Variants in DOCK9 observed in about 807,000 individuals in gnomAD.
DOCK9 encodes the protein dedicator of cytokinesis 9.
Under a neutral mutation model 263.3 loss-of-function variants are expected in DOCK9, and 89 were observed. That is an observed-to-expected ratio of 0.34 (90% CI 0.28 to 0.40). The LOEUF (loss-of-function observed/expected upper bound fraction) is 0.40, where lower values mean the gene tolerates loss of function less well. DOCK9 is among the 10% of genes least tolerant of loss of function. The pLI, the probability that DOCK9 is intolerant of heterozygous loss-of-function variation, is 1.00. For synonymous variants in DOCK9, 976 were observed against 973.1 expected, an observed-to-expected ratio of 1.00 and a Z score of -0.06; for missense variants, 2,140 against 2,603.4, an observed-to-expected ratio of 0.82 and a Z score of 3.87.
intron 1 of DOCK9, among the ~76,000 whole-genome samples, chr13:99,005,124 C>T (rs1883098720): frequency 6.6e-6 from 1 of 151,684 alleles, no homozygotes; most frequent in Non-Finnish European, 1.5e-5. Flanking sequence ...ATGCAGCTGC[C>T]ACGCTGGAAT....
chr13:99,010,213 T>C (rs1247039179), intron 1 of DOCK9, among the ~76,000 whole-genome samples: 5 of 152,200 alleles, frequency 3.3e-5, no homozygotes, highest in Non-Finnish European at 7.3e-5. Flanking sequence ...TCAGTTATAA[T>C]TGGCAAAAAC....
chr13:99,050,376 A>G (rs2040630571), intron 1 of DOCK9, among the ~76,000 whole-genome samples: 1 of 152,170 alleles, frequency 6.6e-6, no homozygotes, highest in African/African-American at 2.4e-5. Flanking sequence ...ATGACCTTGC[A>G]TGACTAACTT....
intron 45 of DOCK9, among the ~76,000 whole-genome samples, chr13:98,822,455 G>C (rs1471651862): frequency 2.0e-5 from 3 of 152,160 alleles, no homozygotes; most frequent in Non-Finnish European, 2.9e-5. Flanking sequence ...TCCTGGCATC[G>C]TTGCTTTCCT....
chr13:98,922,229 A>C, intron 5 of DOCK9, 83 bp from the exon 6 acceptor site: 62 of 1,001,986 alleles, frequency 6.2e-5, no homozygotes, highest in Middle Eastern at 2.1e-4. Flanking sequence ...TGGGAAGGTC[A>C]TTCCCTTTGT....
chr13:98,835,971 C>T (rs1348384945), intron 39 of DOCK9, among the ~76,000 whole-genome samples: 6 of 152,034 alleles, frequency 3.9e-5, no homozygotes, highest in African/African-American at 9.7e-5. Flanking sequence ...CTCCTGACCT[C>T]GTGATCCGCC....
chr13:99,013,297 T>C (rs1595905438), intron 1 of DOCK9, among the ~76,000 whole-genome samples: 1 of 152,102 alleles, frequency 6.6e-6, no homozygotes, highest in Admixed American at 6.5e-5. Flanking sequence ...TTGTTGTTGG[T>C]AGAAACGAGG....
intron 1 of DOCK9, among the ~76,000 whole-genome samples, chr13:99,022,563 G>A (rs74111606): frequency 0.027 from 4,078 of 152,228 alleles, 174 homozygotes; most frequent in African/African-American, 0.093. Flanking sequence ...AGGGAGGGAC[G>A]GTGGGGGTCT....
intron 1 of DOCK9, among the ~76,000 whole-genome samples, chr13:98,983,222 A>G (rs1384979792): frequency 6.6e-6 from 1 of 152,218 alleles, no homozygotes; most frequent in African/African-American, 2.4e-5. Flanking sequence ...GTTCTGGGGA[A>G]GTAGAAACAA....
At chr13:99,046,791 C>T (rs1225640911) in intron 1 of DOCK9, among the ~76,000 whole-genome samples, 3 of 152,228 alleles carry the variant, frequency 2.0e-5, no homozygotes, top group Non-Finnish European at 4.4e-5. Context: ...TTACATCTAA[C>T]TCCTGACCTC....
intron 1 of DOCK9, among the ~76,000 whole-genome samples, chr13:99,077,284 A>AG (rs2041947309): frequency 6.6e-6 from 1 of 152,198 alleles, no homozygotes; most frequent in East Asian, 1.9e-4. Context: ...GTGTTGGAGG[A>AG]GGGGCCTGGT....
chr13:98,949,854 T>C, intron 2 of DOCK9: 1 of 483,098 alleles, frequency 2.1e-6, no homozygotes, highest in South Asian at 1.6e-5. Context: ...TGAGATCTCC[T>C]GGAAATACTT....
rs2092691026 is a variant in DOCK9, at chr13:98,829,854, AAGTGGGGGTTGGGGGGTGCTTTG to A, written c.4636-121_4636-99del. ...TTAGGATGTGCCTAAGGACCCAGCAAAGTGGGGGTTGGGGGGTGCTTTGAGCAGGGGTCGCTCCGTGTAGGAAA... is the reference window on the plus strand; with the variant it reads ...TTAGGATGTGCCTAAGGACCCAGCAAAGCAGGGGTCGCTCCGTGTAGGAAA... On this transcript the variant is annotated intron_variant, in intron 41 of 52. Coordinates refer to ENST00000682017, the MANE Select transcript of DOCK9 (RefSeq NM_001366683.2). The surrounding 1 kb of genome is among the most constrained non-coding windows in gnomAD (Gnocchi z 4.1). 1 of 1,027,572 alleles carries A rather than the reference AAGTGGGGGTTGGGGGGTGCTTTG, an allele frequency of 9.7e-7. No individual in the cohort carries two copies. Among genetic ancestry groups the A allele is most frequent in the Non-Finnish European group, 1.5e-6 (1 of 678,992 alleles). 63.7% of individuals were successfully genotyped at this position (1,027,572 alleles called of 1,614,324 possible).
Position 98,921,006 on chromosome 13 carries a change from G to T in DOCK9, c.665C>A (p.Ser222Tyr). The T allele has an allele frequency of 6.2e-7, 1 of 1,606,234 alleles. No homozygotes were observed. Among genetic ancestry groups the T allele is most frequent in the South Asian group, 1.1e-5 (1 of 89,524 alleles). ...AAATATTGATCCTTTTGGTTCTTTG[G>T]AGATCTTTTCATCTTTATAAAAATT... ...NLNFYKDEKI[S>Y]KEPKGSIFLD... Residue 222 changes from serine (S) to tyrosine (Y), a missense_variant, in exon 7 of 53, where the codon TCC (serine) becomes TAC (tyrosine). Physicochemically the swap from Ser to Tyr is moderately radical, Grantham distance 144. This residue lies in a region of DOCK9 where 1,521 missense variants were observed against 1,741.7 expected (regional missense o/e 0.87). Transcript: ENST00000682017.
intron 27 of DOCK9, among the ~76,000 whole-genome samples, chr13:98,869,904 G>T (rs1372664102): frequency 6.6e-6 from 1 of 152,242 alleles, no homozygotes; most frequent in African/African-American, 2.4e-5. Context: ...TCTCAGCCAC[G>T]TGGATGAGGT....
At chr13:98,983,620 A>T (rs75065541) in intron 1 of DOCK9, among the ~76,000 whole-genome samples, 16,168 of 143,830 alleles carry the variant, frequency 0.11, 1,382 homozygotes, top group East Asian at 0.41. Flanking sequence ...TATTATTATT[A>T]TTATTTTTTT....
intron 23 of DOCK9, 143 bp from the exon 24 acceptor site, chr13:98,882,150 G>T: frequency 1.4e-6 from 1 of 701,716 alleles, no homozygotes; most frequent in Non-Finnish European, 2.5e-6. Context: ...CCCCAGAGGC[G>T]TCTGTGTCTT....
chr13:99,046,047 G>A (rs867611321), intron 1 of DOCK9, among the ~76,000 whole-genome samples: 1 of 151,108 alleles, frequency 6.6e-6, no homozygotes, highest in Non-Finnish European at 1.5e-5. Flanking sequence ...CTTACAGTAA[G>A]CTGAGATTGT....
chr13:99,019,586 C>G (rs900520114), intron 1 of DOCK9, among the ~76,000 whole-genome samples: 2 of 152,010 alleles, frequency 1.3e-5, no homozygotes, highest in Non-Finnish European at 2.9e-5. Context: ...CAAAAAAAGC[C>G]AAGCCAGTCT....
chr13:98,883,480 A>G (rs1216530566), intron 22 of DOCK9, among the ~76,000 whole-genome samples: 2 of 152,142 alleles, frequency 1.3e-5, no homozygotes, highest in African/African-American at 4.8e-5. Context: ...CCCCTGGGCT[A>G]AAGTGATCTG....
Sources: allele counts gnomAD v4.1 joint callset (sites outside exome capture counted in the v4.1 genomes callset), GRCh38; gene constraint gnomAD v4.1.1; regional missense constraint gnomAD v4.1.1; non-coding constraint Gnocchi (gnomAD v3.1); transcripts MANE v1.5; gene names NCBI Gene and HGNC (gene_info 2026-07-23, HGNC 2026-07-21).